Variants in NLGN4Y observed in about 807,000 individuals in gnomAD.
NLGN4Y encodes the protein neuroligin 4 Y-linked.
NLGN4Y carries 4 observed loss-of-function variants against 8.4 expected under a neutral mutation model. The ratio of observed to expected loss-of-function variants is 0.48; its 90% CI spans 0.23 to 1.09. NLGN4Y has a LOEUF of 1.09. Ranked by LOEUF, NLGN4Y falls within the 50% of genes least tolerant of loss-of-function variation. The probability of loss-of-function intolerance (pLI) is 0.19; values close to 1 mark genes in which losing one functional copy is unlikely to be tolerated. For missense variants in NLGN4Y, 90 were observed against 192.3 expected (o/e 0.47, Z 3.15); for synonymous variants, 35 against 75.6 (o/e 0.46, Z 2.78).
chrY:14,617,699 C>G, intron 1 of NLGN4Y, among the ~76,000 whole-genome samples: 4 of 32,240 alleles, frequency 1.2e-4, no homozygotes, highest in Non-Finnish European at 2.3e-4. Flanking sequence ...ATGCCCAAAG[C>G]TGTCCCTTTC....
intron 4 of NLGN4Y, among the ~76,000 whole-genome samples, chrY:14,774,828 T>TA (rs1556107378): frequency 3.0e-5 from 1 of 32,976 alleles, no homozygotes; most frequent in Admixed American, 2.8e-4. Flanking sequence ...TATGCAGCCA[T>TA]AAAAAAGATG....
At chrY:14,603,435 G>A (rs112105051) in intron 1 of NLGN4Y, among the ~76,000 whole-genome samples, 136 of 33,282 alleles carry the variant, frequency 4.1e-3, no homozygotes, top group African/African-American at 0.014. Context: ...TCCTTGATAC[G>A]GATTTATGGT....
At chrY:14,797,894 T>C (rs2150582343) in intron 4 of NLGN4Y, among the ~76,000 whole-genome samples, 1 of 33,632 alleles carries the variant, frequency 3.0e-5, no homozygotes, top group East Asian at 7.8e-4. Flanking sequence ...TTATAAATTA[T>C]TGATTGTCCC....
chrY:14,615,595 A>G (rs2080486081), intron 1 of NLGN4Y, among the ~76,000 whole-genome samples: 1 of 33,634 alleles, frequency 3.0e-5, no homozygotes, highest in Non-Finnish European at 7.4e-5. Context: ...ATGTTTCATC[A>G]ATACCTCGTT....
intron 1 of NLGN4Y, among the ~76,000 whole-genome samples, chrY:14,565,852 T>TGG (rs1352638058): frequency 6.2e-5 from 2 of 32,203 alleles, no homozygotes; most frequent in Middle Eastern, 0.014. Flanking sequence ...CAGAAGAGAG[T>TGG]GGGGGGGTAA....
intron 4 of NLGN4Y, among the ~76,000 whole-genome samples, chrY:14,820,741 G>A (rs1603504354): frequency 3.0e-5 from 1 of 33,322 alleles, no homozygotes; most frequent in Non-Finnish European, 7.4e-5. Context: ...TCTTACAGGC[G>A]TTAGGACCCA....
chrY:14,797,680 A>G (rs2043016919), intron 4 of NLGN4Y, among the ~76,000 whole-genome samples: 1 of 33,870 alleles, frequency 3.0e-5, no homozygotes, highest in African/African-American at 1.2e-4. Flanking sequence ...TCAAAAATAT[A>G]TAGAATACAT....
chrY:14,815,537 T>TTAC (rs2043098494), intron 4 of NLGN4Y, among the ~76,000 whole-genome samples: 1 of 33,447 alleles, frequency 3.0e-5, no homozygotes, highest in Non-Finnish European at 7.4e-5. Flanking sequence ...GTTGAAGTTG[T>TTAC]AGAGTATTAT....
intron 1 of NLGN4Y, among the ~76,000 whole-genome samples, chrY:14,610,576 G>A (rs2080463474): frequency 3.0e-5 from 1 of 32,891 alleles, no homozygotes; most frequent in Non-Finnish European, 7.5e-5. Context: ...GAGATGGTTC[G>A]TTATGGTTTT....
At chrY:14,619,492 C>T in intron 1 of NLGN4Y, among the ~76,000 whole-genome samples, 1 of 33,916 alleles carries the variant, frequency 2.9e-5, no homozygotes, top group Non-Finnish European at 7.3e-5. Flanking sequence ...TGTCCCTGTA[C>T]CCAGAAGTCT....
rs778416447 is a variant in NLGN4Y, at chrY:14,810,877, G to T, written c.686-13311G>T. On this transcript the variant is annotated intron_variant, in intron 4 of 6. Transcript: ENST00000684976. ...TCTGTGGTATAAATACCATGTGTCT[G>T]TTATAATTGTCTTAGATTTTCTCTA... Among the ~76,000 whole-genome samples the T allele has an allele frequency of 9.1e-4, 30 of 33,122 alleles. No homozygotes were observed. In the East Asian group the frequency reaches 0.014, roughly 15 times the overall value. 88.9% of individuals were successfully genotyped at this position (33,122 alleles called of 37,273 possible). A position where few individuals can be genotyped will look rare whatever the true frequency, so the allele number is the denominator to read the frequency against.
intron 1 of NLGN4Y, among the ~76,000 whole-genome samples, chrY:14,593,028 A>G (rs1023267850): frequency 3.1e-5 from 1 of 32,779 alleles, no homozygotes; most frequent in Non-Finnish European, 7.5e-5. Context: ...TCCAGGAGCA[A>G]TGAAGGCGAT....
At chrY:14,688,470 G>C in intron 2 of NLGN4Y, among the ~76,000 whole-genome samples, 1 of 32,903 alleles carries the variant, frequency 3.0e-5, no homozygotes, top group Non-Finnish European at 7.5e-5. Context: ...GGTTGAAAAA[G>C]GCATTTCAGT....
intron 4 of NLGN4Y, among the ~76,000 whole-genome samples, chrY:14,764,763 C>T (rs920048624): frequency 8.9e-5 from 3 of 33,755 alleles, no homozygotes; most frequent in Non-Finnish European, 2.2e-4. Context: ...GCACTAAGCT[C>T]ATTCATGAGC....
At chrY:14,681,312 A>G (rs913480671) in intron 2 of NLGN4Y, among the ~76,000 whole-genome samples, 1 of 33,453 alleles carries the variant, frequency 3.0e-5, no homozygotes, top group Non-Finnish European at 7.4e-5. Flanking sequence ...GGCAGCAGGA[A>G]GGAGAGAAGT....
intron 2 of NLGN4Y, among the ~76,000 whole-genome samples, chrY:14,658,327 A>G (rs111916138): frequency 8.5e-3 from 287 of 33,881 alleles, no homozygotes; most frequent in African/African-American, 0.03. Context: ...ATTTGTTCAT[A>G]ACTCTAGCTT....
intron 2 of NLGN4Y, among the ~76,000 whole-genome samples, chrY:14,665,706 G>T: frequency 3.0e-5 from 1 of 33,349 alleles, no homozygotes; most frequent in South Asian, 6.9e-4. Context: ...GAAGTGACAG[G>T]TGTGGCTTGA....
intron 4 of NLGN4Y, among the ~76,000 whole-genome samples, chrY:14,757,758 AT>A (rs2081066451): frequency 9.1e-5 from 3 of 33,125 alleles, no homozygotes; most frequent in Admixed American, 8.2e-4. Context: ...TTATATTTTA[AT>A]TTTTTTTAGT....
chrY:14,751,957 C>A, intron 4 of NLGN4Y, among the ~76,000 whole-genome samples: 1 of 33,108 alleles, frequency 3.0e-5, no homozygotes, highest in South Asian at 6.7e-4. Flanking sequence ...CTAATGATTT[C>A]TTTAAAGTTC....
Sources: gnomAD v4.1 joint callset for allele counts (sites outside exome capture counted in the v4.1 genomes callset) on GRCh38, gnomAD v4.1.1 for gene constraint, MANE v1.5 for transcripts, NCBI Gene and HGNC (gene_info 2026-07-23, HGNC 2026-07-21) for gene names.